GPC5: variants seen among roughly 807,000 people sequenced by gnomAD.
GPC5 encodes the protein glypican 5.
GPC5 carries 47 observed loss-of-function variants against 53.9 expected under a neutral mutation model. The observed-to-expected ratio is 0.87, with a 90% CI of 0.69 to 1.11. The LOEUF (loss-of-function observed/expected upper bound fraction) is 1.11. Ranked by LOEUF, GPC5 falls within the 50% of genes most tolerant of loss-of-function variation. The pLI is 0.00. For synonymous variants in GPC5, 286 were observed against 263.3 expected (o/e 1.09, Z -0.84); for missense variants, 748 against 713.1 (o/e 1.05, Z -0.56).
intron 7 of GPC5, among the ~76,000 whole-genome samples, chr13:92,813,131 G>T (rs910809226): frequency 3.3e-5 from 5 of 151,786 alleles, no homozygotes; most frequent in African/African-American, 1.2e-4. Flanking sequence ...ATGCAGGACT[G>T]GTTTTATTGC....
intron 7 of GPC5, among the ~76,000 whole-genome samples, chr13:92,545,403 A>T (rs1242124138): frequency 6.6e-6 from 1 of 152,190 alleles, no homozygotes; most frequent in Admixed American, 6.5e-5. Context: ...TCTTTATAGC[A>T]GCATGTTTTA....
At position 92,502,106 on chromosome 13, in the gene GPC5, T is replaced by G. The variant is rs570648090; in HGVS notation, c.1561+357117T>G. The stretch of plus-strand genomic sequence containing the variant: ...ATATATAGTAATGAGATTTATATGC[T>G]CTGGTTAAAATGCTAAAATACCAAT... On this transcript the variant is annotated intron_variant, in intron 7 of 7. Coordinates refer to ENST00000377067, the MANE Select transcript of GPC5 (RefSeq NM_004466.6). Among the ~76,000 whole-genome samples, 334 of 152,192 alleles carry G rather than the reference T, an allele frequency of 2.2e-3. 1 individual carries two copies. Among genetic ancestry groups the G allele is most frequent in the African/African-American group, 7.4e-3 (306 of 41,546 alleles).
At chr13:92,853,230 T>A (rs1878873720) in intron 7 of GPC5, among the ~76,000 whole-genome samples, 1 of 152,204 alleles carries the variant, frequency 6.6e-6, no homozygotes, top group African/African-American at 2.4e-5. Flanking sequence ...TGGTTTCATT[T>A]ACCTGTGATC....
intron 7 of GPC5, among the ~76,000 whole-genome samples, chr13:92,754,793 A>T (rs1363512597): frequency 1.3e-5 from 2 of 150,474 alleles, no homozygotes; most frequent in Non-Finnish European, 2.9e-5. Context: ...TCCTAAATAT[A>T]TATGCACCCA....
At chr13:91,804,783 G>T (rs1452747934) in intron 5 of GPC5, among the ~76,000 whole-genome samples, 1 of 152,142 alleles carries the variant, frequency 6.6e-6, no homozygotes, top group South Asian at 2.1e-4. Flanking sequence ...GGGCAAAAGT[G>T]CAAGAAAGAC....
intron 2 of GPC5, among the ~76,000 whole-genome samples, chr13:91,564,729 T>C (rs559117293): frequency 6.6e-6 from 1 of 152,166 alleles, no homozygotes; most frequent in East Asian, 1.9e-4. Context: ...TATATTTGAA[T>C]TTTTTTCCAG....
chr13:92,483,682 TTG>T (rs1879442449), intron 7 of GPC5, among the ~76,000 whole-genome samples: 4 of 152,354 alleles, frequency 2.6e-5, no homozygotes, highest in Admixed American at 2.6e-4. Context: ...CTTTATAATT[TTG>T]TTTTTTAACA....
chr13:92,273,743 C>T (rs2042856135), intron 7 of GPC5, among the ~76,000 whole-genome samples: 1 of 151,850 alleles, frequency 6.6e-6, no homozygotes, highest in Non-Finnish European at 1.5e-5. Flanking sequence ...AATTTAAGTG[C>T]CAGGAGAAAA....
chr13:92,390,899 C>A lies in GPC5; in HGVS notation c.1561+245910C>A, dbSNP rs148974306. Among the ~76,000 whole-genome samples, 412 of 152,170 alleles carry A rather than the reference C, an allele frequency of 2.7e-3. 3 individuals are homozygous for A. The highest frequency in any genetic ancestry group is 9.2e-3 in the African/African-American group (382 of 41,522). On this transcript the variant is annotated intron_variant, in intron 7 of 7. Transcript: ENST00000377067. The stretch of plus-strand genomic sequence containing the variant: ...GCATATATTTAGGGCTTTGGTTCAA[C>A]TGGTCACATAATCAATGTGTAGATT...
chr13:91,561,043 G>A (rs372889262), intron 2 of GPC5, among the ~76,000 whole-genome samples: 53 of 152,198 alleles, frequency 3.5e-4, no homozygotes, highest in African/African-American at 1.3e-3. Flanking sequence ...TGCTTTTGGG[G>A]TTACTGTCTT....
chr13:92,326,347 T>C (rs369058659), intron 7 of GPC5, among the ~76,000 whole-genome samples: 3 of 152,214 alleles, frequency 2.0e-5, no homozygotes, highest in South Asian at 4.1e-4. Flanking sequence ...ATATAGAACC[T>C]ACATGTATAT....
chr13:92,055,169 A>G (rs2041064488), intron 6 of GPC5, among the ~76,000 whole-genome samples: 1 of 152,218 alleles, frequency 6.6e-6, no homozygotes, highest in Admixed American at 6.5e-5. Flanking sequence ...TGTTGCAAGT[A>G]ATGTTAAAAT....
intron 5 of GPC5, among the ~76,000 whole-genome samples, chr13:91,851,271 A>T (rs1423036292): frequency 2.0e-5 from 3 of 152,174 alleles, no homozygotes; most frequent in African/African-American, 7.2e-5. Context: ...TTGTGTAAGT[A>T]AACAGATCTA....
chr13:91,763,978 T>A (rs1271136598), intron 5 of GPC5, among the ~76,000 whole-genome samples: 3 of 152,220 alleles, frequency 2.0e-5, no homozygotes, highest in South Asian at 2.1e-4. Flanking sequence ...ACAATGTAAA[T>A]GCTGTGTAAA....
At chr13:92,405,251 G>A (rs549898538) in intron 7 of GPC5, among the ~76,000 whole-genome samples, 202 of 152,234 alleles carry the variant, frequency 1.3e-3, no homozygotes, top group African/African-American at 4.6e-3. Flanking sequence ...CACACACTCC[G>A]TGCACTCGCT....
chr13:91,885,220 G>A (rs886808594), intron 5 of GPC5, among the ~76,000 whole-genome samples: 3 of 151,976 alleles, frequency 2.0e-5, no homozygotes, highest in Admixed American at 6.6e-5. Context: ...CCGTCTCTTT[G>A]TATTTGGGTA....
chr13:92,612,160 C>T (rs965506014), intron 7 of GPC5, among the ~76,000 whole-genome samples: 4 of 152,166 alleles, frequency 2.6e-5, no homozygotes, highest in African/African-American at 9.6e-5. Context: ...TGCAAAAGGG[C>T]ATCCCTATTC....
intron 6 of GPC5, among the ~76,000 whole-genome samples, chr13:92,019,619 T>C (rs963118030): frequency 1.3e-5 from 2 of 152,076 alleles, no homozygotes; most frequent in African/African-American, 4.8e-5. Flanking sequence ...GACTTTCCAG[T>C]GTTAAAATGG....
chr13:92,347,871 TATA>T lies in GPC5; in HGVS notation c.1561+202886_1561+202888del, dbSNP rs1357474762. Among the ~76,000 whole-genome samples the T allele has an allele frequency of 1.0e-3, 13 of 12,586 alleles. 3 individuals carry two copies. The highest frequency in any genetic ancestry group is 9.1e-3 in the South Asian group (2 of 220). 8.3% of individuals were successfully genotyped at this position (12,586 alleles called of 152,430 possible). On this transcript the variant is annotated intron_variant, in intron 7 of 7. Coordinates refer to ENST00000377067, the MANE Select transcript of GPC5 (RefSeq NM_004466.6). ...GTTTTATACATATATATATTATATA[TATA>T]ATATATATTATATATATTATATATA...
Sources: allele counts gnomAD v4.1 joint callset (sites outside exome capture counted in the v4.1 genomes callset), GRCh38; gene constraint gnomAD v4.1.1; transcripts MANE v1.5; gene names NCBI Gene and HGNC (gene_info 2026-07-23, HGNC 2026-07-21).